Variants in MARK2 observed in about 807,000 individuals in gnomAD.
MARK2 encodes serine/threonine-protein kinase MARK2.
A neutral mutation model predicts 89.8 loss-of-function variants in MARK2; 16 were observed. The ratio of observed to expected loss-of-function variants is 0.18; its 90% CI spans 0.12 to 0.27. MARK2 has a LOEUF of 0.27. Among genes scored for constraint, MARK2 ranks in the 10% least tolerant of loss-of-function variants. The pLI is 1.00. For missense variants in MARK2, 621 were observed against 1,049.9 expected (o/e 0.59, Z 5.65); for synonymous variants, 382 against 399.5 (o/e 0.96, Z 0.52).
chr11:63,900,882 G>A lies in MARK2; in HGVS notation c.988+3G>A, dbSNP rs1263045215. ...CTACAAGGACCCCCGGCGGACAGGT[G>A]AGGCTGTGCCGGGCTGTGAGGTTAA... is the stretch of plus-strand genomic sequence containing the variant. On this transcript the variant is annotated splice_donor_region_variant and intron_variant, in intron 10 of 18. Coordinates refer to ENST00000402010, the MANE Select transcript of MARK2 (RefSeq NM_001039469.3). The surrounding 1 kb of genome is among the most constrained non-coding windows in gnomAD (Gnocchi z 4.7). 6.2e-7 allele frequency: 1 copy of A among 1,613,954 alleles called. No individual in the cohort carries two copies. Among genetic ancestry groups the A allele is most frequent in the Non-Finnish European group, 8.5e-7 (1 of 1,179,764 alleles).
intron 1 of MARK2, among the ~76,000 whole-genome samples, chr11:63,865,680 A>G (rs1231002820): frequency 6.6e-6 from 1 of 152,176 alleles, no homozygotes; most frequent in East Asian, 1.9e-4. Context: ...TCTCTACCTT[A>G]ATTACCGACA....
intron 1 of MARK2, among the ~76,000 whole-genome samples, chr11:63,861,739 T>TA (rs1220077553): frequency 1.8e-5 from 2 of 111,964 alleles, no homozygotes; most frequent in Admixed American, 2.4e-4. Flanking sequence ...ACTCATTTAC[T>TA]CTTTTTTTTT....
intron 1 of MARK2, among the ~76,000 whole-genome samples, chr11:63,877,840 G>A (rs1938858046): frequency 6.6e-6 from 1 of 152,218 alleles, no homozygotes; most frequent in South Asian, 2.1e-4. Context: ...AAACAGCAGT[G>A]GTTGGCTTTG....
chr11:63,868,712 G>A (rs1304979261), intron 1 of MARK2: 2 of 450,668 alleles, frequency 4.4e-6, no homozygotes, highest in Non-Finnish European at 4.5e-6. Flanking sequence ...TGCCTGCGTT[G>A]TTGCTCCTGG....
intron 1 of MARK2, among the ~76,000 whole-genome samples, chr11:63,844,538 G>A (rs1181431656): frequency 6.6e-6 from 1 of 152,192 alleles, no homozygotes; most frequent in African/African-American, 2.4e-5. Flanking sequence ...TAGCTAAACA[G>A]ATGGATATAA....
chr11:63,908,975 C>T lies in MARK2; in HGVS notation c.2105C>T (p.Thr702Met). Residue 702 changes from threonine (T) to methionine (M), a missense_variant, in exon 19 of 19, where the codon ACG becomes ATG. Physicochemically the swap from Thr to Met is moderately conservative, Grantham distance 81 (BLOSUM62 -1). Coordinates refer to ENST00000402010, the MANE Select transcript of MARK2 (RefSeq NM_001039469.3). Reference protein sequence around the residue: ...SLRFTWSMKTTSSMEPNEMMR... With the variant: ...SLRFTWSMKTMSSMEPNEMMR... The stretch of plus-strand genomic sequence containing the variant: ...CGCTTCACGTGGAGTATGAAGACCA[C>T]GAGCTCCATGGAGCCCAACGAGATG... 1 of 1,566,228 alleles carries T rather than the reference C, an allele frequency of 6.4e-7. No individual in the cohort carries two copies. Among genetic ancestry groups the T allele is most frequent in the East Asian group, 2.3e-5 (1 of 43,720 alleles).
At position 63,844,216 on chromosome 11, in the gene MARK2, A is replaced by G. The variant is rs537582932; in HGVS notation, c.54+4656A>G. Among the ~76,000 whole-genome samples the G allele has an allele frequency of 2.0e-5, 3 of 152,368 alleles. No homozygotes were observed. In the South Asian group the frequency reaches 6.2e-4, roughly 32 times the overall value. ...TCTCTCTGGTCAGGCACCATGGCTCATGCCTGTAGTCCTAGCACTTTGGGA... is the reference window on the plus strand; with the variant it reads ...TCTCTCTGGTCAGGCACCATGGCTCGTGCCTGTAGTCCTAGCACTTTGGGA... On this transcript the variant is annotated intron_variant, in intron 1 of 18. Transcript: ENST00000402010.
intron 1 of MARK2, among the ~76,000 whole-genome samples, chr11:63,854,827 A>T (rs55671814): frequency 9.9e-5 from 13 of 130,778 alleles, no homozygotes; most frequent in Non-Finnish European, 1.4e-4. Context: ...AAAAAAAAAA[A>T]AAAAGGGTAT....
intron 4 of MARK2, 144 bp downstream of exon 4, chr11:63,898,424 C>T (rs983675329): frequency 3.1e-6 from 3 of 965,638 alleles, no homozygotes; most frequent in Middle Eastern, 2.2e-4. Flanking sequence ...CAAAATCCAT[C>T]TCCCCTTCTG....
At chr11:63,897,754 A>G (rs904636310) in intron 3 of MARK2, among the ~76,000 whole-genome samples, 11 of 152,278 alleles carry the variant, frequency 7.2e-5, no homozygotes, top group African/African-American at 2.6e-4. Context: ...CCAGGAAGGA[A>G]AGGCCTATCC....
chr11:63,889,381 CT>C (rs1452908212), intron 1 of MARK2, among the ~76,000 whole-genome samples: 1 of 151,356 alleles, frequency 6.6e-6, no homozygotes, highest in African/African-American at 2.5e-5. Context: ...GGTTTGGCTC[CT>C]TCTCAGCCCT....
intron 1 of MARK2, among the ~76,000 whole-genome samples, chr11:63,852,788 A>G (rs1188951078): frequency 1.3e-5 from 2 of 152,138 alleles, no homozygotes; most frequent in African/African-American, 4.8e-5. Flanking sequence ...TTCATGTAGT[A>G]TTATGGTACC....
intron 3 of MARK2, among the ~76,000 whole-genome samples, chr11:63,896,184 G>A (rs1940385256): frequency 6.6e-6 from 1 of 152,218 alleles, no homozygotes; most frequent in African/African-American, 2.4e-5. Flanking sequence ...TGGCTCTTGT[G>A]AAGTCTTTCT....
intron 1 of MARK2, among the ~76,000 whole-genome samples, chr11:63,870,271 T>TA (rs1341496153): frequency 6.6e-6 from 1 of 152,184 alleles, no homozygotes; most frequent in Non-Finnish European, 1.5e-5. Flanking sequence ...GACAGGGTCT[T>TA]ACAATATTGC....
intron 1 of MARK2, among the ~76,000 whole-genome samples, chr11:63,846,069 G>T (rs950169138): frequency 6.6e-6 from 1 of 152,060 alleles, no homozygotes; most frequent in Non-Finnish European, 1.5e-5. Flanking sequence ...ATTCTAAACA[G>T]CACCCAGAGA....
rs1428758365 is a variant in MARK2 at position 63,909,452 on chromosome 11, C to A, written c.*215C>A. ...CCACATTCACCCCTGCCCAGAGATT[C>A]CCCCTTCTCCTCTCCCCTACTGGAG... is the stretch of plus-strand genomic sequence containing the variant. On this transcript the variant is annotated 3_prime_UTR_variant, in exon 19 of 19. Transcript: ENST00000402010. The A allele has an allele frequency of 1.1e-5, 5 of 471,562 alleles. No homozygotes were observed. The highest frequency in any genetic ancestry group is 2.0e-5 in the African/African-American group (1 of 49,298). 29.2% of individuals were successfully genotyped at this position (471,562 alleles called of 1,614,324 possible). A position where few individuals can be genotyped will look rare whatever the true frequency, so the allele number is the denominator to read the frequency against.
chr11:63,839,129 T>G lies in MARK2; in HGVS notation c.-378T>G. ...AGGGCCGGCGGTGGTGGCGGCCATG[T>G]TGGGAGCAGCAGGTCCGGCGGCGGC... On this transcript the variant is annotated 5_prime_UTR_variant, in exon 1 of 19. Transcript: ENST00000402010. The G allele has an allele frequency of 5.3e-6, 1 of 188,116 alleles. No individual in the cohort carries two copies. Among genetic ancestry groups the G allele is most frequent in the Non-Finnish European group, 1.1e-5 (1 of 92,690 alleles). 11.7% of individuals were successfully genotyped at this position (188,116 alleles called of 1,614,324 possible). A position where few individuals can be genotyped will look rare whatever the true frequency, so the allele number is the denominator to read the frequency against.
At chr11:63,890,291 C>T in intron 1 of MARK2, 1 of 1,343,746 alleles carries the variant, frequency 7.4e-7, no homozygotes, top group Non-Finnish European at 9.8e-7. Context: ...AGAAGGGGTG[C>T]AGGGGTAAGT....
At chr11:63,867,342 T>C (rs929421210) in intron 1 of MARK2, among the ~76,000 whole-genome samples, 3 of 152,234 alleles carry the variant, frequency 2.0e-5, no homozygotes, top group Non-Finnish European at 4.4e-5. Flanking sequence ...TATAGTTTTA[T>C]GAGCTGAGCT....
Sources: gnomAD v4.1 joint callset for allele counts (sites outside exome capture counted in the v4.1 genomes callset) on GRCh38, gnomAD v4.1.1 for gene constraint, Gnocchi (gnomAD v3.1) non-coding constraint, MANE v1.5 for transcripts, NCBI Gene and HGNC (gene_info 2026-07-23, HGNC 2026-07-21) for gene names.